The following NAA11 variants were observed in gnomAD, a reference collection of about 807,000 sequenced individuals.
NAA11 encodes the protein N-alpha-acetyltransferase 11, NatA catalytic subunit.
In NAA11, 15 loss-of-function variants were observed where a neutral mutation model predicts 16.1. The observed-to-expected ratio is 0.93, with a 90% confidence interval of 0.62 to 1.44. The LOEUF (loss-of-function observed/expected upper bound fraction) is 1.44, where lower values mean the gene tolerates loss of function less well. Ranked by LOEUF, NAA11 falls within the 40% of genes most tolerant of loss-of-function variation. The pLI, the probability that NAA11 is intolerant of heterozygous loss-of-function variation, is 0.00. For missense variants in NAA11, 298 were observed against 291.3 expected (o/e 1.02, Z -0.17); for synonymous variants, 122 against 112.4 (o/e 1.09, Z -0.54).
At chr4:79,165,317 C>T in the NAA11 span, among the ~76,000 whole-genome samples, 1 of 152,130 alleles carries the variant, frequency 6.6e-6, no homozygotes, top group African/African-American at 2.4e-5. Flanking sequence ...AGTGATGGGC[C>T]CCAGCTGTTC....
the NAA11 span, among the ~76,000 whole-genome samples, chr4:79,161,426 T>C: frequency 6.6e-6 from 1 of 152,212 alleles, no homozygotes; most frequent in Non-Finnish European, 1.5e-5. Context: ...TTACTATAGC[T>C]TTGTAAGAAA....
chr4:79,320,061 TTTG>T (rs942090462), intron 1 of NAA11, among the ~76,000 whole-genome samples: 1 of 152,178 alleles, frequency 6.6e-6, no homozygotes, highest in African/African-American at 2.4e-5. Flanking sequence ...TTTTTTCATT[TTTG>T]TTATTAATAA....
chr4:79,296,908 T>C (rs17494639), intron 1 of NAA11, among the ~76,000 whole-genome samples: 20,081 of 152,234 alleles, frequency 0.13, 1,889 homozygotes, highest in East Asian at 0.2. Context: ...TCTTCAATGC[T>C]TAAATTAATG....
intron 2 of NAA11, among the ~76,000 whole-genome samples, chr4:79,240,545 C>T (rs1721669116): frequency 6.6e-6 from 1 of 152,134 alleles, no homozygotes; most frequent in Non-Finnish European, 1.5e-5. Flanking sequence ...TGTCCTGCAA[C>T]TTTGCATTTC....
At chr4:79,156,546 C>T in the NAA11 span, among the ~76,000 whole-genome samples, 1 of 152,104 alleles carries the variant, frequency 6.6e-6, no homozygotes, top group Non-Finnish European at 1.5e-5. Flanking sequence ...GCCTTTTGTT[C>T]AGTTAAGGCC....
chr4:79,255,722 C>CA (rs1297003679), intron 2 of NAA11, among the ~76,000 whole-genome samples: 1 of 152,104 alleles, frequency 6.6e-6, no homozygotes. Context: ...AATTCATGGG[C>CA]AAGTTAGAGG....
chr4:79,186,825 G>A, the NAA11 span, among the ~76,000 whole-genome samples: 5 of 152,076 alleles, frequency 3.3e-5, no homozygotes, highest in Admixed American at 1.3e-4. Flanking sequence ...GAATGTACAT[G>A]GCAGCACCTG....
the NAA11 span, among the ~76,000 whole-genome samples, chr4:79,191,210 A>G: frequency 3.3e-5 from 5 of 152,132 alleles, no homozygotes; most frequent in African/African-American, 1.2e-4. Flanking sequence ...GCTGGGTTGA[A>G]TGGTAGTTCT....
At chr4:79,202,641 A>ATATATATATATATATATATATC in the NAA11 span, among the ~76,000 whole-genome samples, 1 of 119,548 alleles carries the variant, frequency 8.4e-6, no homozygotes, top group Non-Finnish European at 1.8e-5. Context: ...ATATATATAT[A>ATATATATATATATATATATATC]TATATATATC....
rs149514820 is a variant in NAA11, at chr4:79,310,563, C to T, written c.*12+14613G>A. 9.6e-3 allele frequency among the ~76,000 whole-genome samples: 1,463 copies of T among 152,260 alleles called. 9 individuals are homozygous for T. The highest frequency in any genetic ancestry group is 0.013 in the Admixed American group (200 of 15,304). On this transcript the variant is annotated intron_variant and NMD_transcript_variant, in intron 1 of 2. Coordinates refer to the NAA11 transcript ENST00000511542. Reference sequence around the variant, plus strand: ...CTCGTTTACTTAGCACCTTAATTCCCGCACTTGCTTATAGACAGAAAATGC... The same window carrying T: ...CTCGTTTACTTAGCACCTTAATTCCTGCACTTGCTTATAGACAGAAAATGC...
intron 2 of NAA11, among the ~76,000 whole-genome samples, chr4:79,268,469 G>A (rs571286548): frequency 5.9e-5 from 9 of 152,222 alleles, no homozygotes; most frequent in East Asian, 3.9e-4. Flanking sequence ...AAGTTATGCC[G>A]GAGAAGAGTT....
intron 2 of NAA11, among the ~76,000 whole-genome samples, chr4:79,252,136 G>T (rs1722011284): frequency 6.6e-6 from 1 of 152,164 alleles, no homozygotes; most frequent in Admixed American, 6.5e-5. Context: ...TAAACAATGG[G>T]TTGCATGAAC....
chr4:79,173,700 G>C, the NAA11 span, among the ~76,000 whole-genome samples: 2 of 152,140 alleles, frequency 1.3e-5, no homozygotes, highest in South Asian at 2.1e-4. Context: ...GAGAACAACG[G>C]CTGGGAGGGG....
At chr4:79,206,338 A>G in the NAA11 span, among the ~76,000 whole-genome samples, 1 of 152,014 alleles carries the variant, frequency 6.6e-6, no homozygotes, top group African/African-American at 2.4e-5. Flanking sequence ...TTAGTAAACT[A>G]TGTAAAAAGT....
the NAA11 span, among the ~76,000 whole-genome samples, chr4:79,207,459 T>G: frequency 6.6e-6 from 1 of 151,292 alleles, no homozygotes; most frequent in African/African-American, 2.4e-5. Flanking sequence ...TTCTTTCAAT[T>G]GCATGCACAC....
chr4:79,222,884 A>T (rs1459792260), downstream of NAA11, among the ~76,000 whole-genome samples: 2 of 152,086 alleles, frequency 1.3e-5, no homozygotes, highest in Non-Finnish European at 2.9e-5. Context: ...GCCAAAAGAC[A>T]CATGAAAAAA....
intron 2 of NAA11, among the ~76,000 whole-genome samples, chr4:79,267,017 T>C (rs1722369113): frequency 6.6e-6 from 1 of 152,212 alleles, no homozygotes. Flanking sequence ...CTTTGTATAG[T>C]ATATTTCATA....
the NAA11 span, among the ~76,000 whole-genome samples, chr4:79,158,823 A>C: frequency 1.3e-5 from 2 of 151,738 alleles, no homozygotes; most frequent in South Asian, 2.1e-4. Flanking sequence ...ACTTAGAGCA[A>C]ACTGATCCTT....
chr4:79,251,165 C>A (rs968442612), intron 2 of NAA11, among the ~76,000 whole-genome samples: 1 of 152,212 alleles, frequency 6.6e-6, no homozygotes, highest in South Asian at 2.1e-4. Flanking sequence ...ACCAAAAAGA[C>A]GCATGTACCC....
Sources: gnomAD v4.1 joint callset for allele counts (sites outside exome capture counted in the v4.1 genomes callset) on GRCh38, gnomAD v4.1.1 for gene constraint, MANE v1.5 for transcripts, NCBI Gene and HGNC (gene_info 2026-07-23, HGNC 2026-07-21) for gene names.